The following PTPRN2 variants were observed in gnomAD, a reference collection of about 807,000 sequenced individuals.
PTPRN2 encodes the protein receptor-type tyrosine-protein phosphatase N2.
Under a neutral mutation model 118.8 loss-of-function variants are expected in PTPRN2, and 74 were observed. The observed-to-expected ratio is 0.62, with a 90% CI of 0.52 to 0.76. The LOEUF (loss-of-function observed/expected upper bound fraction) is 0.76, where lower values mean the gene tolerates loss of function less well. Ranked by LOEUF, PTPRN2 falls within the 30% of genes least tolerant of loss-of-function variation. PTPRN2 has a pLI of 0.00. For synonymous variants in PTPRN2, 641 were observed against 608.0 expected (o/e 1.05, Z -0.80); for missense variants, 1,481 against 1,394.4 (o/e 1.06, Z -0.99).
intron 11 of PTPRN2, among the ~76,000 whole-genome samples, chr7:158,055,696 GC>G (rs1008363019): frequency 1.3e-5 from 2 of 152,184 alleles, no homozygotes; most frequent in African/African-American, 2.4e-5. Context: ...ACAGGGAAGG[GC>G]CCCCTGTCCA....
intron 12 of PTPRN2, among the ~76,000 whole-genome samples, chr7:157,687,544 G>C (rs532467965): frequency 6.6e-6 from 1 of 152,180 alleles, no homozygotes; most frequent in Non-Finnish European, 1.5e-5. Context: ...TCAGATTTCA[G>C]TCCCAGCCTC....
intron 16 of PTPRN2, among the ~76,000 whole-genome samples, chr7:157,600,097 C>T (rs1171168694): frequency 1.1e-5 from 1 of 87,804 alleles, no homozygotes; most frequent in Non-Finnish European, 2.2e-5. Context: ...CCACCTGCCC[C>T]TCTCCACCTG....
At chr7:157,592,263 A>G (rs1027937584) in intron 17 of PTPRN2, among the ~76,000 whole-genome samples, 1 of 152,234 alleles carries the variant, frequency 6.6e-6, no homozygotes, top group African/African-American at 2.4e-5. Context: ...TATCCATAAT[A>G]AACAGTAAGA....
intron 2 of PTPRN2, among the ~76,000 whole-genome samples, chr7:158,333,919 C>CACACTCATCACTCACACT (rs1427715704): frequency 0.022 from 2,421 of 109,924 alleles, 3 homozygotes; most frequent in African/African-American, 0.025. Flanking sequence ...TCACTCACAC[C>CACACTCATCACTCACACT]CACACTCTCA....
intron 11 of PTPRN2, among the ~76,000 whole-genome samples, chr7:157,980,982 G>A (rs1231918420): frequency 2.0e-5 from 3 of 151,976 alleles, no homozygotes; most frequent in Admixed American, 2.0e-4. Context: ...ACGGGCTCTG[G>A]GGACAGGTGG....
At chr7:157,967,453 C>T (rs1038900970) in intron 11 of PTPRN2, among the ~76,000 whole-genome samples, 3 of 152,192 alleles carry the variant, frequency 2.0e-5, no homozygotes, top group Non-Finnish European at 4.4e-5. Context: ...CAGGTAGAGA[C>T]TCTGTGTGGC....
At chr7:158,468,427 G>T (rs1225890441) in intron 2 of PTPRN2, among the ~76,000 whole-genome samples, 4 of 152,176 alleles carry the variant, frequency 2.6e-5, no homozygotes, top group Non-Finnish European at 5.9e-5. Context: ...CAGTCACCTC[G>T]GGAAGCTTCA....
intron 6 of PTPRN2, among the ~76,000 whole-genome samples, chr7:158,152,455 G>C (rs1057344524): frequency 6.6e-6 from 1 of 152,206 alleles, no homozygotes; most frequent in African/African-American, 2.4e-5. Flanking sequence ...GAACAGACAG[G>C]AGGCCAAAGT....
intron 6 of PTPRN2, among the ~76,000 whole-genome samples, chr7:158,143,933 G>A (rs960085113): frequency 7.2e-5 from 11 of 152,010 alleles, no homozygotes; most frequent in South Asian, 2.1e-4. Flanking sequence ...AGTGGCCACC[G>A]TCCCCCCCGC....
At chr7:158,029,498 GC>G (rs1211050182) in intron 11 of PTPRN2, 1 of 152,258 alleles carries the variant, frequency 6.6e-6, no homozygotes, top group Non-Finnish European at 1.5e-5. Context: ...GCCTTTAACC[GC>G]CTTCTACCTT....
chr7:158,551,063 A>G (rs1472008482), intron 1 of PTPRN2, among the ~76,000 whole-genome samples: 5 of 152,200 alleles, frequency 3.3e-5, no homozygotes, highest in Non-Finnish European at 5.9e-5. Context: ...AGGCATCCGC[A>G]CCAGCTGCTG....
chr7:157,603,933 C>A lies in PTPRN2; in HGVS notation c.2418+69G>T. ...GACGTGATTTCCCCCGAGAACCTTC[C>A]CACGTGATTTGCCGCGTCCGTGCCA... On this transcript the variant is annotated intron_variant, in intron 16 of 22. Transcript: ENST00000389418. This position sits in a 1 kb window ranked among gnomAD's most constrained non-coding sequence, Gnocchi z 5.4. 6.9e-7 allele frequency: 1 copy of A among 1,448,406 alleles called. No homozygotes were observed. Among genetic ancestry groups the A allele is most frequent in the Non-Finnish European group, 9.7e-7 (1 of 1,034,756 alleles). 89.7% of individuals were successfully genotyped at this position (1,448,406 alleles called of 1,614,324 possible). A position where few individuals can be genotyped will look rare whatever the true frequency, so the allele number is the denominator to read the frequency against.
At chr7:158,159,370 G>T (rs950164413) in intron 6 of PTPRN2, among the ~76,000 whole-genome samples, 1 of 152,236 alleles carries the variant, frequency 6.6e-6, no homozygotes. Flanking sequence ...GGCTGGCTGG[G>T]TGGAGACCCG....
intron 12 of PTPRN2, among the ~76,000 whole-genome samples, chr7:157,840,061 G>T (rs1808267776): frequency 6.6e-6 from 1 of 150,542 alleles, no homozygotes. Flanking sequence ...GTGTGTGACT[G>T]TGTAACTATG....
At chr7:157,588,863 G>A (rs1402305009) in intron 17 of PTPRN2, among the ~76,000 whole-genome samples, 1 of 151,944 alleles carries the variant, frequency 6.6e-6, no homozygotes, top group African/African-American at 2.4e-5. Flanking sequence ...CCCACCAGCT[G>A]TGTGGATCTG....
At chr7:158,341,396 A>C (rs1380715199) in intron 2 of PTPRN2, among the ~76,000 whole-genome samples, 1 of 146,098 alleles carries the variant, frequency 6.8e-6, no homozygotes, top group African/African-American at 2.6e-5. Context: ...CTCTCACCAT[A>C]AGAGCTGTCG....
chr7:158,089,828 T>A lies in PTPRN2; in HGVS notation c.1644-8451A>T, dbSNP rs59580653. On this transcript the variant is annotated intron_variant, in intron 10 of 22. Transcript: ENST00000389418. ...ACGAAAGAGGGAGTCTTCACACACA[T>A]CCTTCCTCCCCTGATGAAAGAGGGA... Among the ~76,000 whole-genome samples the A allele has an allele frequency of 1.3e-3, 124 of 95,026 alleles. 1 individual carries two copies. The highest frequency in any genetic ancestry group is 3.8e-3 in the African/African-American group (93 of 24,182). The allele number at this position is 95,026 out of a possible 152,430, so 62.3% of individuals were successfully genotyped here. A position where few individuals can be genotyped will look rare whatever the true frequency, so the allele number is the denominator to read the frequency against.
chr7:158,085,893 CCCA>C (rs1425437155), intron 10 of PTPRN2, among the ~76,000 whole-genome samples: 2 of 150,262 alleles, frequency 1.3e-5, no homozygotes, highest in East Asian at 2.0e-4. Flanking sequence ...CCCATCCACA[CCCA>C]CGACGCCCAT....
chr7:158,191,400 G>A (rs1034143072), intron 5 of PTPRN2, among the ~76,000 whole-genome samples: 3 of 152,104 alleles, frequency 2.0e-5, no homozygotes, highest in Non-Finnish European at 4.4e-5. Flanking sequence ...CAGAAAAGGA[G>A]TGTGTGAGCG....
Sources: gnomAD v4.1 joint callset for allele counts (sites outside exome capture counted in the v4.1 genomes callset) on GRCh38, gnomAD v4.1.1 for gene constraint, Gnocchi (gnomAD v3.1) non-coding constraint, MANE v1.5 for transcripts, NCBI Gene and HGNC (gene_info 2026-07-23, HGNC 2026-07-21) for gene names.